The following KLHL13 variants were observed in gnomAD, a reference collection of about 807,000 sequenced individuals.
The protein encoded by KLHL13 is kelch-like protein 13.
A neutral mutation model predicts 37.1 loss-of-function variants in KLHL13; 10 were observed. The observed-to-expected ratio is 0.27, with a 90% CI of 0.17 to 0.46. The LOEUF is 0.46. KLHL13 is among the 20% of genes least tolerant of loss of function. The pLI, the probability that KLHL13 is intolerant of heterozygous loss-of-function variation, is 1.00. For missense variants in KLHL13, 360 were observed against 509.3 expected, an observed-to-expected ratio of 0.71 and a Z score of 2.82; for synonymous variants, 163 against 181.2, an observed-to-expected ratio of 0.90 and a Z score of 0.81.
At chrX:117,904,925 G>A (rs777991944) in intron 5 of KLHL13, among the ~76,000 whole-genome samples, 1 of 111,825 alleles carries the variant, frequency 8.9e-6, no homozygotes, top group African/African-American at 3.2e-5. Context: ...ACTTAGGTTG[G>A]TTATCTCACA....
chrX:117,993,172 A>G (rs1213215098), intron 1 of KLHL13, among the ~76,000 whole-genome samples: 1 of 112,168 alleles, frequency 8.9e-6, no homozygotes, highest in Non-Finnish European at 1.9e-5. Flanking sequence ...AGAGTATGTC[A>G]GGCAGTCAAG....
intron 1 of KLHL13, among the ~76,000 whole-genome samples, chrX:118,005,869 T>C (rs1024881390): frequency 3.6e-5 from 4 of 112,272 alleles, no homozygotes; most frequent in Non-Finnish European, 5.6e-5. Flanking sequence ...GGCCTAAAAA[T>C]AGCTGGAAAG....
At chrX:118,070,043 G>A (rs1602698917) in intron 1 of KLHL13, among the ~76,000 whole-genome samples, 2 of 112,184 alleles carry the variant, frequency 1.8e-5, no homozygotes, top group Non-Finnish European at 3.8e-5. Context: ...ACTACCTATA[G>A]TATTCAGTAC....
intron 1 of KLHL13, among the ~76,000 whole-genome samples, chrX:118,017,139 C>A (rs2054135619): frequency 9.0e-6 from 1 of 111,413 alleles, no homozygotes; most frequent in Non-Finnish European, 1.9e-5. Flanking sequence ...TTGTAAGCTT[C>A]AGTAGATCTC....
chrX:118,029,137 T>G (rs941155330), intron 1 of KLHL13, among the ~76,000 whole-genome samples: 2 of 111,302 alleles, frequency 1.8e-5, no homozygotes, highest in Non-Finnish European at 3.8e-5. Flanking sequence ...GAAATTGGAA[T>G]AAACTGAGAA....
chrX:117,917,670 A>T (rs748536886), intron 4 of KLHL13, among the ~76,000 whole-genome samples: 2 of 111,786 alleles, frequency 1.8e-5, no homozygotes, highest in East Asian at 5.6e-4. Flanking sequence ...TGTATTGTGT[A>T]TTATCCAGTT....
At chrX:117,966,413 T>C (rs1355144962) in intron 1 of KLHL13, among the ~76,000 whole-genome samples, 5 of 110,412 alleles carry the variant, frequency 4.5e-5, no homozygotes, top group African/African-American at 1.7e-4. Context: ...TAAAAGAGGA[T>C]ACAAACAAAT....
intron 2 of KLHL13, among the ~76,000 whole-genome samples, chrX:117,930,274 A>AGGCAGGC (rs1932361093): frequency 8.8e-5 from 8 of 91,376 alleles, no homozygotes; most frequent in African/African-American, 3.4e-4. Context: ...GGAAGGAAGG[A>AGGCAGGC]AGGAAGGAAG....
At chrX:118,022,121 C>T (rs1402283809) in intron 1 of KLHL13, among the ~76,000 whole-genome samples, 1 of 111,706 alleles carries the variant, frequency 9.0e-6, no homozygotes, top group Non-Finnish European at 1.9e-5. Context: ...TTTGTAGATT[C>T]TGGATATTAG....
intron 1 of KLHL13, among the ~76,000 whole-genome samples, chrX:117,983,025 A>T (rs2053680687): frequency 8.9e-6 from 1 of 111,957 alleles, no homozygotes; most frequent in Admixed American, 9.5e-5. Context: ...AACAATTAGA[A>T]AACAAATTAT....
rs1414626642 is a variant in KLHL13 at position 117,973,264 on chromosome X, G to T, written c.-436C>A. ...CCTGATTTCTGACCAATAGTAGCAAGAAAAAACATAGATGGGTTTCATATG... is the reference window on the plus strand; with the variant it reads ...CCTGATTTCTGACCAATAGTAGCAATAAAAAACATAGATGGGTTTCATATG... On this transcript the variant is annotated 5_prime_UTR_variant, in exon 1 of 7. Coordinates refer to ENST00000262820, the Ensembl canonical transcript of KLHL13. 3.1e-6 allele frequency: 3 copies of T among 967,025 alleles called. No homozygotes were observed. The African/African-American group carries it at 6.1e-5, about 20-fold the overall frequency. 79.7% of individuals were successfully genotyped at this position (967,025 alleles called of 1,213,427 possible).
At chrX:117,915,377 C>T (rs1454413514) in intron 4 of KLHL13, among the ~76,000 whole-genome samples, 2 of 110,899 alleles carry the variant, frequency 1.8e-5, no homozygotes, top group African/African-American at 3.3e-5. Context: ...CTCCTTCCCA[C>T]TTATGTACCT....
At chrX:118,089,253 C>A (rs768357238) in intron 1 of KLHL13, among the ~76,000 whole-genome samples, 1 of 110,658 alleles carries the variant, frequency 9.0e-6, no homozygotes, top group Admixed American at 9.7e-5. Context: ...AGGACTTTCA[C>A]CACTATCCAG....
intron 2 of KLHL13, among the ~76,000 whole-genome samples, chrX:117,920,807 T>C (rs940136972): frequency 9.0e-6 from 1 of 110,930 alleles, no homozygotes; most frequent in African/African-American, 3.3e-5. Flanking sequence ...TTGGGGGAGG[T>C]TGAGAAAGAA....
At position 118,022,785 on chromosome X, in the gene KLHL13, T is replaced by A. The variant is rs182359203; in HGVS notation, c.-55-77210A>T. The stretch of plus-strand genomic sequence containing the variant: ...AAATATTTCCTCCCAATATGTAGGC[T>A]GCCTTTTCGTTTTGTTTATTGTTTT... On this transcript the variant is annotated intron_variant, in intron 1 of 6. Transcript: ENST00000371882. Among the ~76,000 whole-genome samples the A allele has an allele frequency of 1.5e-3, 170 of 112,330 alleles. 2 individuals are homozygous for A. Among genetic ancestry groups the A allele is most frequent in the African/African-American group, 5.3e-3 (165 of 30,948 alleles).
At chrX:118,025,322 G>A (rs920178363) in intron 1 of KLHL13, among the ~76,000 whole-genome samples, 1 of 111,289 alleles carries the variant, frequency 9.0e-6, no homozygotes, top group African/African-American at 3.3e-5. Flanking sequence ...AAAACTCCAG[G>A]AATAAACAAT....
chrX:117,922,480 C>T (rs1354371577), intron 2 of KLHL13, among the ~76,000 whole-genome samples: 1 of 111,830 alleles, frequency 8.9e-6, no homozygotes, highest in Non-Finnish European at 1.9e-5. Context: ...CAAAATTTTA[C>T]TCAGAAGCTA....
At chrX:118,024,399 T>G (rs772370842) in intron 1 of KLHL13, among the ~76,000 whole-genome samples, 2 of 111,748 alleles carry the variant, frequency 1.8e-5, no homozygotes, top group African/African-American at 6.5e-5. Flanking sequence ...AGAAAAATGA[T>G]AAACTGAACT....
At chrX:117,927,842 T>C (rs1932169270) in intron 2 of KLHL13, among the ~76,000 whole-genome samples, 1 of 111,769 alleles carries the variant, frequency 8.9e-6, no homozygotes, top group African/African-American at 3.3e-5. Flanking sequence ...TGGGTATAAC[T>C]ACCAAGGGGT....
Sources: gnomAD v4.1 joint callset for allele counts (sites outside exome capture counted in the v4.1 genomes callset) on GRCh38, gnomAD v4.1.1 for gene constraint, MANE v1.5 for transcripts, NCBI Gene and HGNC (gene_info 2026-07-23, HGNC 2026-07-21) for gene names.